Variants in WDR49 observed in about 807,000 individuals in gnomAD.
The protein encoded by WDR49 is cilia- and flagella-associated protein 337.
WDR49 carries 107 observed loss-of-function variants against 119.5 expected under a neutral mutation model. That is an observed-to-expected ratio of 0.90 (90% CI 0.77 to 1.05). The LOEUF (loss-of-function observed/expected upper bound fraction) is 1.05, where lower values mean the gene tolerates loss of function less well. Ranked by LOEUF, WDR49 falls within the 50% of genes least tolerant of loss-of-function variation. WDR49 has a pLI of 0.00. For synonymous variants in WDR49, 425 were observed against 418.8 expected (o/e 1.01, Z -0.18); for missense variants, 1,240 against 1,220.5 (o/e 1.02, Z -0.24).
At position 167,522,440 on chromosome 3, in the gene WDR49, T is replaced by G; in HGVS notation, c.2649A>C (p.Arg883Ser). 1 of 1,607,358 alleles carries G rather than the reference T, an allele frequency of 6.2e-7. No individual in the cohort carries two copies. The highest frequency in any genetic ancestry group is 8.5e-7 in the Non-Finnish European group (1 of 1,178,504). The change falls in exon 16 of 19, where the codon AGA becomes AGC. Residue 883 changes from arginine (R) to serine (S), a missense_variant. Physicochemically the swap from Arg to Ser is moderately radical, Grantham distance 110. Coordinates refer to ENST00000682715, the MANE Select transcript of WDR49 (RefSeq NM_001366157.1). ...TCTCACTTTCCACTAAATTAGTATCTCTTTTAGGAAGGAAAAGGCAGTTTT... is the reference window on the plus strand; with the variant it reads ...TCTCACTTTCCACTAAATTAGTATCGCTTTTAGGAAGGAAAAGGCAGTTTT... The part of the protein sequence containing the change: ...HIENCLFLPK[R>S]DTNLVESEIQ...
chr3:167,569,007 A>G (rs970399183), intron 8 of WDR49, among the ~76,000 whole-genome samples: 1 of 150,110 alleles, frequency 6.7e-6, no homozygotes, highest in African/African-American at 2.5e-5. Context: ...CGGTGGTGCT[A>G]TCTTAGCTCA....
At chr3:167,488,709 T>A (rs74318014) in intron 18 of WDR49, among the ~76,000 whole-genome samples, 2 of 152,124 alleles carry the variant, frequency 1.3e-5, no homozygotes, top group African/African-American at 4.8e-5. Flanking sequence ...AGTGTCTAGA[T>A]GAATCAGGTC....
At chr3:167,644,422 T>A (rs535196848) in intron 2 of WDR49, among the ~76,000 whole-genome samples, 1 of 152,098 alleles carries the variant, frequency 6.6e-6, no homozygotes, top group African/African-American at 2.4e-5. Context: ...CACATAAATA[T>A]GTACATTTTT....
chr3:167,503,160 C>T (rs1751639587), intron 17 of WDR49, among the ~76,000 whole-genome samples: 1 of 152,208 alleles, frequency 6.6e-6, no homozygotes, highest in African/African-American at 2.4e-5. Context: ...TAAGCCATAG[C>T]TTTGGTGGCT....
chr3:167,645,479 G>A (rs1344655539), intron 2 of WDR49, among the ~76,000 whole-genome samples: 2 of 152,090 alleles, frequency 1.3e-5, no homozygotes, highest in Non-Finnish European at 2.9e-5. Flanking sequence ...CCAAAGTTCT[G>A]GGATTACAGG....
intron 3 of WDR49, among the ~76,000 whole-genome samples, chr3:167,623,406 T>C (rs979663213): frequency 6.6e-6 from 1 of 152,090 alleles, no homozygotes. Flanking sequence ...ATCAATGTAA[T>C]ACTTCATATT....
chr3:167,558,491 G>A (rs534038491), intron 9 of WDR49, among the ~76,000 whole-genome samples: 1 of 152,252 alleles, frequency 6.6e-6, no homozygotes, highest in South Asian at 2.1e-4. Flanking sequence ...TCAGAATTCT[G>A]TTGTGCTCTT....
At chr3:167,574,292 A>G (rs1005120960) in intron 8 of WDR49, among the ~76,000 whole-genome samples, 2 of 152,160 alleles carry the variant, frequency 1.3e-5, no homozygotes, top group Admixed American at 6.5e-5. Context: ...AAACTGTGTT[A>G]TTTGCTTTGT....
intron 5 of WDR49, among the ~76,000 whole-genome samples, chr3:167,619,642 C>T (rs555560256): frequency 3.0e-4 from 46 of 152,150 alleles, no homozygotes; most frequent in African/African-American, 1.1e-3. Flanking sequence ...TAGGAATAGC[C>T]CAATAACATT....
At chr3:167,515,790 A>G (rs1752174631) in intron 16 of WDR49, among the ~76,000 whole-genome samples, 1 of 152,236 alleles carries the variant, frequency 6.6e-6, no homozygotes, top group South Asian at 2.1e-4. Flanking sequence ...GCAAAGACTC[A>G]GGATACAAAA....
At chr3:167,561,111 T>C (rs1713245313) in intron 8 of WDR49, among the ~76,000 whole-genome samples, 1 of 152,242 alleles carries the variant, frequency 6.6e-6, no homozygotes, top group Non-Finnish European at 1.5e-5. Context: ...TTGATTACCA[T>C]TGTATAAATG....
intron 18 of WDR49, among the ~76,000 whole-genome samples, chr3:167,481,073 A>G (rs1445265345): frequency 6.6e-6 from 1 of 151,992 alleles, no homozygotes; most frequent in Non-Finnish European, 1.5e-5. Context: ...AAGCAAAAAA[A>G]AAAAAAATCA....
intron 5 of WDR49, among the ~76,000 whole-genome samples, chr3:167,609,241 C>T (rs1048340980): frequency 6.6e-5 from 10 of 152,014 alleles, no homozygotes; most frequent in African/African-American, 2.4e-4. Flanking sequence ...ATTAGATGAG[C>T]CCTCATTGTA....
At chr3:167,489,620 C>T (rs1441820212) in intron 18 of WDR49, among the ~76,000 whole-genome samples, 1 of 151,992 alleles carries the variant, frequency 6.6e-6, no homozygotes, top group Non-Finnish European at 1.5e-5. Context: ...AACATTTTTT[C>T]TATAATAAAA....
At chr3:167,584,637 A>G (rs1391257873) in intron 7 of WDR49, among the ~76,000 whole-genome samples, 1 of 152,160 alleles carries the variant, frequency 6.6e-6, no homozygotes, top group Non-Finnish European at 1.5e-5. Flanking sequence ...ATTCATGTAT[A>G]TTTAGTAATT....
At chr3:167,527,178 G>C (rs541527636) in intron 15 of WDR49, among the ~76,000 whole-genome samples, 1 of 152,064 alleles carries the variant, frequency 6.6e-6, no homozygotes, top group African/African-American at 2.4e-5. Flanking sequence ...ACTCTACCAC[G>C]ATTAGCTTCT....
At chr3:167,632,005 T>A (rs1717399394) in intron 2 of WDR49, among the ~76,000 whole-genome samples, 1 of 152,128 alleles carries the variant, frequency 6.6e-6, no homozygotes, top group African/African-American at 2.4e-5. Flanking sequence ...GGACATTTTT[T>A]AGTGATCCAG....
intron 10 of WDR49, among the ~76,000 whole-genome samples, chr3:167,553,079 T>A (rs981319303): frequency 9.2e-5 from 14 of 152,086 alleles, no homozygotes; most frequent in African/African-American, 3.4e-4. Context: ...TTTTGTTAAA[T>A]GCCTCCTGGT....
chr3:167,543,431 G>C (rs1711965153), intron 10 of WDR49, among the ~76,000 whole-genome samples: 1 of 151,958 alleles, frequency 6.6e-6, no homozygotes, highest in African/African-American at 2.4e-5. Flanking sequence ...ATTTCAAAAA[G>C]ATAATCCAAC....
Sources: gnomAD v4.1 joint callset for allele counts (sites outside exome capture counted in the v4.1 genomes callset) on GRCh38, gnomAD v4.1.1 for gene constraint, MANE v1.5 for transcripts, NCBI Gene and HGNC (gene_info 2026-07-23, HGNC 2026-07-21) for gene names.